The following PTPRD variants were observed in gnomAD, a reference collection of about 807,000 sequenced individuals.
PTPRD encodes protein tyrosine phosphatase receptor type D.
In PTPRD, 34 loss-of-function variants were observed where a neutral mutation model predicts 214.5. The ratio of observed to expected loss-of-function variants is 0.16; its 90% CI spans 0.12 to 0.21. PTPRD has a LOEUF of 0.21. PTPRD is among the 10% of genes least tolerant of loss of function. PTPRD has a pLI of 1.00. For missense variants in PTPRD, 2,545 were observed against 2,398.7 expected, an observed-to-expected ratio of 1.06 and a Z score of -1.27; for synonymous variants, 1,128 against 845.7, an observed-to-expected ratio of 1.33 and a Z score of -5.79.
intron 36 of PTPRD, among the ~76,000 whole-genome samples, chr9:8,400,574 A>G (rs1447106388): frequency 1.3e-5 from 2 of 152,200 alleles, no homozygotes; most frequent in Non-Finnish European, 1.5e-5. Flanking sequence ...AGGCAAAAAG[A>G]TAAGACTGAG....
At chr9:9,146,018 C>T (rs2154484553) in intron 10 of PTPRD, among the ~76,000 whole-genome samples, 1 of 152,278 alleles carries the variant, frequency 6.6e-6, no homozygotes, top group Non-Finnish European at 1.5e-5. Flanking sequence ...CTTCTTTGTC[C>T]ACTCCACCCA....
chr9:8,717,639 C>T (rs1169223399), intron 12 of PTPRD, among the ~76,000 whole-genome samples: 1 of 152,186 alleles, frequency 6.6e-6, no homozygotes, highest in East Asian at 1.9e-4. Flanking sequence ...TGAGAATAAA[C>T]TGAGGGGCAT....
chr9:9,325,201 T>C (rs1169015687), intron 9 of PTPRD, among the ~76,000 whole-genome samples: 1 of 152,208 alleles, frequency 6.6e-6, no homozygotes, highest in African/African-American at 2.4e-5. Flanking sequence ...ATATGAACTT[T>C]AAAGTAGTTT....
At chr9:10,068,483 C>A (rs1350208173) in intron 3 of PTPRD, among the ~76,000 whole-genome samples, 1 of 151,932 alleles carries the variant, frequency 6.6e-6, no homozygotes, top group East Asian at 1.9e-4. Flanking sequence ...CATGCCCTTT[C>A]ACACACAAAC....
chr9:9,976,873 G>T (rs1249499971), intron 4 of PTPRD, among the ~76,000 whole-genome samples: 1 of 151,740 alleles, frequency 6.6e-6, no homozygotes, highest in African/African-American at 2.4e-5. Context: ...TTAAAAAAAT[G>T]AAATAACTCT....
At chr9:8,570,540 G>C (rs1454846578) in intron 14 of PTPRD, among the ~76,000 whole-genome samples, 1 of 152,068 alleles carries the variant, frequency 6.6e-6, no homozygotes, top group Non-Finnish European at 1.5e-5. Flanking sequence ...ACTTAAGAGA[G>C]GTAGGTTTTA....
chr9:10,156,751 T>C (rs777651912), intron 3 of PTPRD, among the ~76,000 whole-genome samples: 5 of 152,170 alleles, frequency 3.3e-5, no homozygotes, highest in Non-Finnish European at 7.4e-5. Context: ...TCTCCCCCTA[T>C]TGTTGCATGG....
At chr9:8,330,336 ATTGTTGT>A (rs1203554744) in intron 44 of PTPRD, among the ~76,000 whole-genome samples, 3 of 152,078 alleles carry the variant, frequency 2.0e-5, no homozygotes, top group Admixed American at 2.0e-4. Flanking sequence ...TTGTAAGTAC[ATTGTTGT>A]TTGTTTAGAC....
intron 3 of PTPRD, among the ~76,000 whole-genome samples, chr9:10,299,955 C>T (rs2095810206): frequency 6.6e-6 from 1 of 152,146 alleles, no homozygotes; most frequent in African/African-American, 2.4e-5. Context: ...ACTAATCTGA[C>T]TCACTATGTA....
chr9:9,561,528 G>A (rs1298720048), intron 8 of PTPRD, among the ~76,000 whole-genome samples: 4 of 152,018 alleles, frequency 2.6e-5, no homozygotes, highest in Admixed American at 6.6e-5. Flanking sequence ...AAACCATTTG[G>A]GGTAAAATTA....
chr9:8,545,103 G>C (rs1452493925), intron 14 of PTPRD, among the ~76,000 whole-genome samples: 3 of 151,952 alleles, frequency 2.0e-5, no homozygotes, highest in Non-Finnish European at 2.9e-5. Context: ...TCTTGGTTGT[G>C]AGGAAAAAAT....
chr9:8,762,950 G>T (rs1384612529), intron 11 of PTPRD, among the ~76,000 whole-genome samples: 1 of 152,180 alleles, frequency 6.6e-6, no homozygotes, highest in Non-Finnish European at 1.5e-5. Context: ...CCTCCTTCCA[G>T]CGTGACACTG....
intron 5 of PTPRD, among the ~76,000 whole-genome samples, chr9:9,928,370 A>G (rs1199382914): frequency 6.6e-6 from 1 of 152,128 alleles, no homozygotes; most frequent in Non-Finnish European, 1.5e-5. Context: ...CATTATCTTG[A>G]GTTTTTGTCC....
chr9:9,716,358 G>A (rs1490443788), intron 7 of PTPRD, among the ~76,000 whole-genome samples: 1 of 151,208 alleles, frequency 6.6e-6, no homozygotes, highest in Non-Finnish European at 1.5e-5. Flanking sequence ...TAGTCCTTTG[G>A]GTATATACCC....
chr9:9,557,601 C>A (rs1472120596), intron 8 of PTPRD, among the ~76,000 whole-genome samples: 1 of 152,154 alleles, frequency 6.6e-6, no homozygotes, highest in South Asian at 2.1e-4. Flanking sequence ...GAGACTAATA[C>A]CATCCATTCT....
intron 5 of PTPRD, among the ~76,000 whole-genome samples, chr9:9,927,619 T>G (rs945930482): frequency 2.0e-5 from 3 of 152,176 alleles, no homozygotes; most frequent in African/African-American, 2.4e-5. Flanking sequence ...TGTGTGTACA[T>G]AATAACATAC....
chr9:10,058,346 T>C (rs1407396163), intron 3 of PTPRD, among the ~76,000 whole-genome samples: 1 of 152,072 alleles, frequency 6.6e-6, no homozygotes, highest in African/African-American at 2.4e-5. Context: ...AATCGATAGC[T>C]ATGTTATTTT....
At chr9:8,920,803 A>ATTTG (rs1357046524) in intron 11 of PTPRD, among the ~76,000 whole-genome samples, 5 of 151,772 alleles carry the variant, frequency 3.3e-5, no homozygotes, top group South Asian at 2.1e-4. Context: ...CCATTTTCTT[A>ATTTG]TTTATTTATT....
chr9:8,699,291 G>A (rs1335346570), intron 12 of PTPRD, among the ~76,000 whole-genome samples: 1 of 152,116 alleles, frequency 6.6e-6, no homozygotes, highest in Admixed American at 6.5e-5. Flanking sequence ...TTCTTGCAGG[G>A]CCTTTCAACA....
Sources: allele counts gnomAD v4.1 joint callset (sites outside exome capture counted in the v4.1 genomes callset), GRCh38; gene constraint gnomAD v4.1.1; transcripts MANE v1.5; gene names NCBI Gene and HGNC (gene_info 2026-07-23, HGNC 2026-07-21).